NHSL2: variants seen among roughly 807,000 people sequenced by gnomAD.
NHSL2 encodes the protein NHS-like protein 2.
Under a neutral mutation model 53.4 loss-of-function variants are expected in NHSL2, and 27 were observed. The observed-to-expected ratio is 0.51, with a 90% CI of 0.37 to 0.70. NHSL2 has a LOEUF of 0.70. NHSL2 is among the 30% of genes least tolerant of loss of function. The probability of loss-of-function intolerance (pLI) is 0.00; values close to 1 mark genes in which losing one functional copy is unlikely to be tolerated. For synonymous variants in NHSL2, 408 were observed against 404.1 expected (o/e 1.01, Z -0.12); for missense variants, 892 against 980.1 (o/e 0.91, Z 1.20).
intron 1 of NHSL2, among the ~76,000 whole-genome samples, chrX:72,019,350 GAGA>G (rs1300952968): frequency 1.8e-5 from 2 of 112,401 alleles, no homozygotes; most frequent in African/African-American, 3.2e-5. Context: ...GTGAAGGGAA[GAGA>G]AGGAGGCCAA....
At chrX:72,137,046 T>C in intron 4 of NHSL2, 48 bp from the exon 5 acceptor site, 1 of 1,134,010 alleles carries the variant, frequency 8.8e-7, no homozygotes, top group Non-Finnish European at 1.2e-6. Flanking sequence ...TCCACCGTGC[T>C]TTAAACAGAA....
intron 1 of NHSL2, among the ~76,000 whole-genome samples, chrX:71,913,386 C>A (rs1228913103): frequency 3.6e-5 from 4 of 112,092 alleles, no homozygotes; most frequent in African/African-American, 1.3e-4. Flanking sequence ...GTAATCAGTG[C>A]ACCATCTGGC....
At chrX:71,938,075 G>A (rs899702265) in intron 1 of NHSL2, among the ~76,000 whole-genome samples, 4 of 112,196 alleles carry the variant, frequency 3.6e-5, no homozygotes, top group Admixed American at 9.4e-5. Context: ...ATCTCACCAC[G>A]TCCCTACAAG....
rs754642164 is a variant in NHSL2, at chrX:72,149,147, C to T, written c.*5573C>T. 9.1e-6 allele frequency: 1 copy of T among 109,357 alleles called. No individual in the cohort carries two copies. Among genetic ancestry groups the T allele is most frequent in the Non-Finnish European group, 1.9e-5 (1 of 52,617 alleles). 9.0% of individuals were successfully genotyped at this position (109,357 alleles called of 1,213,427 possible). A position where few individuals can be genotyped will look rare whatever the true frequency, so the allele number is the denominator to read the frequency against. ...TATCATATTGGATCAACAAATTGCT[C>T]AACCTGCAAAATCTTTGATTAGACT... On this transcript the variant is annotated 3_prime_UTR_variant, in exon 8 of 8. Transcript: ENST00000633930.
intron 1 of NHSL2, among the ~76,000 whole-genome samples, chrX:71,960,172 A>G (rs966651080): frequency 4.5e-5 from 5 of 112,257 alleles, no homozygotes. Flanking sequence ...CTTTGGAGAA[A>G]TATCTTTTCA....
At position 72,139,816 on chromosome X, in the gene NHSL2, C is replaced by T. The variant is rs758310274; in HGVS notation, c.2268C>T (p.Pro756=). ...PVVPERKSSL[P]PTSPMEKFPK... ...TACCTGAGAGGAAGTCATCACTACCCCCGACGTCACCAATGGAGAAATTTC... is the reference window on the plus strand; with the variant it reads ...TACCTGAGAGGAAGTCATCACTACCTCCGACGTCACCAATGGAGAAATTTC... The change falls in exon 6 of 8, where the codon CCC becomes CCT. Residue 756 remains proline (P), a synonymous_variant. Transcript: ENST00000633930. The T allele has an allele frequency of 1.7e-6, 2 of 1,210,266 alleles. No homozygotes were observed. Among genetic ancestry groups the T allele is most frequent in the Non-Finnish European group, 2.2e-6 (2 of 894,425 alleles).
At chrX:72,055,081 TA>T (rs1471379183) in intron 1 of NHSL2, among the ~76,000 whole-genome samples, 1 of 111,848 alleles carries the variant, frequency 8.9e-6, no homozygotes, top group Non-Finnish European at 1.9e-5. Flanking sequence ...AAGTGCTAAC[TA>T]ACTTCAAGTA....
chrX:72,139,893 A>C lies in NHSL2; in HGVS notation c.2345A>C (p.Asp782Ala). 1 of 1,211,425 alleles carries C rather than the reference A, an allele frequency of 8.3e-7. No homozygotes were observed. The highest frequency in any genetic ancestry group is 1.1e-6 in the Non-Finnish European group (1 of 895,218). The change falls in exon 6 of 8, where the codon GAT becomes GCT. Residue 782 changes from aspartate to alanine, a missense_variant. By Grantham distance (126) the Asp-to-Ala change is moderately radical. Transcript: ENST00000633930. The stretch of plus-strand genomic sequence containing the variant: ...CCACTGACCTCTTCACCCAACCTGG[A>C]TCTGTCTGGGATGAGTATCTCCATC... ...DLPLTSSPNL[D>A]LSGMSISIRS...
intron 1 of NHSL2, among the ~76,000 whole-genome samples, chrX:71,948,119 A>C (rs1417996353): frequency 8.9e-6 from 1 of 112,268 alleles, no homozygotes; most frequent in Non-Finnish European, 1.9e-5. Flanking sequence ...TAAAAATAAA[A>C]TAAAATAAAA....
intron 1 of NHSL2, among the ~76,000 whole-genome samples, chrX:72,058,505 C>T (rs749958448): frequency 3.0e-4 from 34 of 111,657 alleles, no homozygotes; most frequent in African/African-American, 9.4e-4. Context: ...CCACCACGCC[C>T]AGCTAATTTT....
intron 1 of NHSL2, among the ~76,000 whole-genome samples, chrX:71,932,010 A>G (rs149919672): frequency 9.5e-4 from 107 of 112,518 alleles, no homozygotes; most frequent in African/African-American, 3.4e-3. Context: ...TTGAGCACCT[A>G]CCATGTGCCA....
intron 1 of NHSL2, among the ~76,000 whole-genome samples, chrX:72,069,191 C>A (rs147679050): frequency 8.9e-6 from 1 of 111,904 alleles, no homozygotes; most frequent in Non-Finnish European, 1.9e-5. Context: ...AGTGAGCCAG[C>A]GAGCGGCAGC....
chrX:72,130,256 C>T, intron 1 of NHSL2: 1 of 1,206,485 alleles, frequency 8.3e-7, no homozygotes. Flanking sequence ...TGGCCCCCAT[C>T]CTCATCTTCA....
At chrX:72,098,848 A>G (rs1215303361) in intron 1 of NHSL2, among the ~76,000 whole-genome samples, 1 of 112,055 alleles carries the variant, frequency 8.9e-6, no homozygotes, top group Non-Finnish European at 1.9e-5. Context: ...CAAGTGAAAC[A>G]TACATGTCAA....
chrX:71,964,021 ATATGTG>A (rs1288144869), intron 1 of NHSL2, among the ~76,000 whole-genome samples: 8 of 7,059 alleles, frequency 1.1e-3, no homozygotes, highest in Admixed American at 3.4e-3. Flanking sequence ...GTATATATAT[ATATGTG>A]TATATATATA....
rs779793794 is a variant in NHSL2 at position 72,008,490 on chromosome X, A to G, written c.280+97123A>G. ...TGGAGATGCGGCTTTGGGGTGGGGT[A>G]AGTTGGCTAGAAAACCGATGATGAT... On this transcript the variant is annotated intron_variant, in intron 1 of 7. Transcript: ENST00000633930. Among the ~76,000 whole-genome samples, 4 of 111,912 alleles carry G rather than the reference A, an allele frequency of 3.6e-5. No homozygotes were observed. The South Asian group carries it at 1.5e-3, about 42-fold the overall frequency.
intron 1 of NHSL2, among the ~76,000 whole-genome samples, chrX:71,964,573 C>G (rs769979163): frequency 1.2e-3 from 136 of 111,338 alleles, no homozygotes; most frequent in African/African-American, 4.3e-3. Context: ...TAAATTGTTC[C>G]AAAAACTGGT....
intron 1 of NHSL2, among the ~76,000 whole-genome samples, chrX:72,032,088 G>T: frequency 3.2e-5 from 1 of 31,256 alleles, no homozygotes; most frequent in African/African-American, 4.7e-5. Flanking sequence ...GGCCACTGAA[G>T]TAAAAAAAAA....
chrX:71,998,794 T>C (rs1365074305), intron 1 of NHSL2, among the ~76,000 whole-genome samples: 1 of 111,392 alleles, frequency 9.0e-6, no homozygotes, highest in African/African-American at 3.3e-5. Flanking sequence ...AATGCCCTCA[T>C]GCCCCATGCT....
Sources: gnomAD v4.1 joint callset for allele counts (sites outside exome capture counted in the v4.1 genomes callset) on GRCh38, gnomAD v4.1.1 for gene constraint, MANE v1.5 for transcripts, NCBI Gene and HGNC (gene_info 2026-07-23, HGNC 2026-07-21) for gene names.